The following SF3B2 variants were observed in gnomAD, a reference collection of about 807,000 sequenced individuals.
SF3B2 encodes SAP 145.
In SF3B2, 22 loss-of-function variants were observed where a neutral mutation model predicts 116.3. That is an observed-to-expected ratio of 0.19 (90% CI 0.14 to 0.27). The LOEUF (loss-of-function observed/expected upper bound fraction) is 0.27, where lower values mean the gene tolerates loss of function less well. SF3B2 is among the 10% of genes least tolerant of loss of function. The pLI is 1.00. For synonymous variants in SF3B2, 406 were observed against 421.6 expected, an observed-to-expected ratio of 0.96 and a Z score of 0.45; for missense variants, 767 against 1,151.4, an observed-to-expected ratio of 0.67 and a Z score of 4.83.
At chr11:66,064,106 G>A (rs1244655545) in intron 19 of SF3B2, among the ~76,000 whole-genome samples, 2 of 152,212 alleles carry the variant, frequency 1.3e-5, no homozygotes, top group Non-Finnish European at 2.9e-5. Context: ...CTGAGACAGG[G>A]ATGGGCTAGT....
chr11:66,059,136 G>A lies in SF3B2; in HGVS notation c.1183-65G>A. 2.5e-6 allele frequency: 4 copies of A among 1,611,590 alleles called. No individual in the cohort carries two copies. Among genetic ancestry groups the A allele is most frequent in the Admixed American group, 3.3e-5 (2 of 59,834 alleles). On this transcript the variant is annotated intron_variant, in intron 10 of 21. Coordinates refer to ENST00000322535, the MANE Select transcript of SF3B2 (RefSeq NM_006842.3). This position sits in a 1 kb window ranked among gnomAD's most constrained non-coding sequence, Gnocchi z 5.0. ...GGCAGCGGTGAACAGGCATCTTTTA[G>A]TGCTGGCCTTAGGAACTGGGAAGGG...
chr11:66,057,846 C>T (rs980040125), intron 7 of SF3B2, among the ~76,000 whole-genome samples: 1 of 151,886 alleles, frequency 6.6e-6, no homozygotes, highest in Non-Finnish European at 1.5e-5. Flanking sequence ...GTGGTGCATG[C>T]CTGTAATCCC....
intron 19 of SF3B2, 22 bp downstream of exon 19, chr11:66,063,751 G>A: frequency 6.4e-7 from 1 of 1,558,702 alleles, no homozygotes; most frequent in African/African-American, 1.4e-5. Flanking sequence ...AGACAGGGCT[G>A]AGAGGGGAGG....
At chr11:66,067,472 CTT>C (rs1368737840) in intron 19 of SF3B2, 5 of 456,328 alleles carry the variant, frequency 1.1e-5, no homozygotes, top group South Asian at 4.6e-5. Flanking sequence ...TAGATTTGCT[CTT>C]GTTCCTAGTG....
At chr11:66,062,947 C>G in intron 16 of SF3B2, 62 bp from the exon 17 acceptor site, 1 of 1,158,582 alleles carries the variant, frequency 8.6e-7, no homozygotes, top group Non-Finnish European at 1.2e-6. Flanking sequence ...TGCCTTTTCT[C>G]TAGGGCTTCA....
intron 13 of SF3B2, 86 bp downstream of exon 13, chr11:66,060,095 AC>A: frequency 8.7e-7 from 1 of 1,148,414 alleles, no homozygotes; most frequent in Non-Finnish European, 1.3e-6. Flanking sequence ...CTGGTTTGAA[AC>A]CCACCTACCA....
Position 66,063,089 on chromosome 11 carries a change from G to A in SF3B2, c.2058G>A (p.Val686=), listed in dbSNP as rs1410416497. The A allele has an allele frequency of 2.5e-6, 4 of 1,613,828 alleles. No homozygotes were observed. The Admixed American group carries it at 5.0e-5, about 20-fold the overall frequency. ...DETGKPLYGD[V]FGTNAAEFQT... is the part of the protein sequence containing the mutation. ...CTGGGAAACCGCTCTATGGGGACGT[G>A]TTTGGAACCAATGCTGCTGAATTTC... The change falls in exon 17 of 22, where the codon GTG becomes GTA. Residue 686 remains valine, a synonymous_variant. Coordinates refer to ENST00000322535, the MANE Select transcript of SF3B2 (RefSeq NM_006842.3).
intron 8 of SF3B2, 29 bp downstream of exon 8, chr11:66,058,179 C>A: frequency 6.3e-7 from 1 of 1,597,744 alleles, no homozygotes; most frequent in Non-Finnish European, 8.6e-7. Context: ...GATGCTGTAG[C>A]CACAGAACCT....
At chr11:66,054,735 T>G (rs1289633375) in intron 3 of SF3B2, among the ~76,000 whole-genome samples, 1 of 152,216 alleles carries the variant, frequency 6.6e-6, no homozygotes, top group Non-Finnish European at 1.5e-5. Flanking sequence ...TTTGCCTCAT[T>G]TTCTCTAAAG....
chr11:66,057,911 G>A (rs1857029604), intron 7 of SF3B2, 143 bp from the exon 8 acceptor site: 5 of 614,904 alleles, frequency 8.1e-6, no homozygotes, highest in South Asian at 6.9e-5. Flanking sequence ...GGCGGAGGTT[G>A]TGGTGGGCCG....
chr11:66,059,753 G>A lies in SF3B2; in HGVS notation c.1402-29G>A, dbSNP rs143367613. 3,673 of 1,612,296 alleles carry A rather than the reference G, an allele frequency of 2.3e-3. 53 individuals are homozygous for A. In the African/African-American group the frequency reaches 0.032, roughly 14 times the overall value. On this transcript the variant is annotated intron_variant, in intron 12 of 21. Coordinates refer to ENST00000322535, the MANE Select transcript of SF3B2 (RefSeq NM_006842.3). This position sits in a 1 kb window ranked among gnomAD's most constrained non-coding sequence, Gnocchi z 5.0. ...TCAGAACTGAGAAGTCGGGGCTCTC[G>A]AGAACACGCATTACTATGTGTTTTC...
rs752149333 is a variant in SF3B2 at position 66,052,396 on chromosome 11, G to C, written c.12G>C (p.Glu4Asp). MAT[E>D]HPEPPKAELQ... is the part of the protein sequence containing the mutation. ...TTCCTGCGGCTAAGATGGCGACGGAGCATCCCGAGCCTCCCAAAGCAGAAT... is the reference window on the plus strand; with the variant it reads ...TTCCTGCGGCTAAGATGGCGACGGACCATCCCGAGCCTCCCAAAGCAGAAT... Residue 4 changes from glutamate (E) to aspartate (D), a missense_variant, in exon 1 of 22, where the codon GAG (glutamate) becomes GAC (aspartate). Physicochemically the swap from Glu to Asp is conservative, Grantham distance 45. Coordinates refer to ENST00000322535, the MANE Select transcript of SF3B2 (RefSeq NM_006842.3). The C allele has an allele frequency of 6.2e-7, 1 of 1,611,166 alleles. No homozygotes were observed. The highest frequency in any genetic ancestry group is 1.1e-5 in the South Asian group (1 of 90,974).
intron 5 of SF3B2, among the ~76,000 whole-genome samples, chr11:66,056,617 G>C (rs1856999302): frequency 6.6e-6 from 1 of 152,086 alleles, no homozygotes; most frequent in South Asian, 2.1e-4. Flanking sequence ...AGTTTCCTGG[G>C]GTTTTCCTTG....
chr11:66,052,634 G>A (rs1282298068), intron 1 of SF3B2, 39 bp from the exon 2 acceptor site: 1 of 1,595,446 alleles, frequency 6.3e-7, no homozygotes, highest in Admixed American at 1.8e-5. Context: ...GACCTGGCCG[G>A]GCTGGCCTGC....
At chr11:66,063,362 AG>A (rs770093036) in intron 17 of SF3B2, 37 bp from the exon 18 acceptor site, 11 of 1,582,478 alleles carry the variant, frequency 7.0e-6, no homozygotes, top group African/African-American at 4.1e-5. Context: ...ATAGGTACTT[AG>A]AAAACATTTG....
chr11:66,054,947 T>C lies in SF3B2; in HGVS notation c.259-129T>C, dbSNP rs188313086. 5 of 863,642 alleles carry C rather than the reference T, an allele frequency of 5.8e-6. No individual in the cohort carries two copies. The African/African-American group carries it at 6.9e-5, about 12-fold the overall frequency. 53.5% of individuals were successfully genotyped at this position (863,642 alleles called of 1,614,324 possible). A position where few individuals can be genotyped will look rare whatever the true frequency, so the allele number is the denominator to read the frequency against. ...CTTTATAGAGCTGTGGAGCATTCTC[T>C]CTTATGGAGTGGTAACTATGTATCA... is the stretch of plus-strand genomic sequence containing the variant. On this transcript the variant is annotated intron_variant, in intron 3 of 21. Transcript: ENST00000322535.
chr11:66,057,187 C>T (rs1857012945), intron 6 of SF3B2, 79 bp from the exon 7 acceptor site: 4 of 993,142 alleles, frequency 4.0e-6, no homozygotes, highest in Admixed American at 1.7e-5. Flanking sequence ...TTTACCATCA[C>T]CCTTTCAGCA....
Position 66,059,969 on chromosome 11 carries a change from G to A in SF3B2, c.1589G>A (p.Arg530His), listed in dbSNP as rs1200427050. ...PPFELPDFIK[R>H]TGIQEMREAL... is the part of the protein sequence containing the mutation. ...TTCGAGCTGCCAGACTTCATCAAACGCACAGGCATCCAGGAGATGCGAGAG... is the reference window on the plus strand; with the variant it reads ...TTCGAGCTGCCAGACTTCATCAAACACACAGGCATCCAGGAGATGCGAGAG... Residue 530 changes from arginine to histidine, a missense_variant, in exon 13 of 22, where the codon CGC (arginine) becomes CAC (histidine). Transcript: ENST00000322535. The surrounding 1 kb of genome is among the most constrained non-coding windows in gnomAD (Gnocchi z 5.0). 1 of 1,614,166 alleles carries A rather than the reference G, an allele frequency of 6.2e-7. No homozygotes were observed.
chr11:66,053,168 A>G, intron 3 of SF3B2, 64 bp downstream of exon 3: 1 of 1,457,398 alleles, frequency 6.9e-7, no homozygotes, highest in Non-Finnish European at 9.6e-7. Context: ...CATGAGCATG[A>G]TGATTGGGTG....
Sources: allele counts gnomAD v4.1 joint callset (sites outside exome capture counted in the v4.1 genomes callset), GRCh38; gene constraint gnomAD v4.1.1; non-coding constraint Gnocchi (gnomAD v3.1); transcripts MANE v1.5; gene names NCBI Gene and HGNC (gene_info 2026-07-23, HGNC 2026-07-21).